The following SNX18 variants were observed in gnomAD, a reference collection of about 807,000 sequenced individuals.
SNX18 encodes sorting nexin 18.
SNX18 carries 35 observed loss-of-function variants against 48.7 expected under a neutral mutation model. That is an observed-to-expected ratio of 0.72 (90% CI 0.55 to 0.95). SNX18 has a LOEUF of 0.95. SNX18 is among the 40% of genes least tolerant of loss of function. The pLI is 0.00. For synonymous variants in SNX18, 492 were observed against 384.7 expected, an observed-to-expected ratio of 1.28 and a Z score of -3.26; for missense variants, 824 against 871.0, an observed-to-expected ratio of 0.95 and a Z score of 0.68.
At chr5:54,617,004 T>C in the SNX18 span, among the ~76,000 whole-genome samples, 15 of 152,206 alleles carry the variant, frequency 9.9e-5, no homozygotes, top group Middle Eastern at 3.2e-3. Context: ...AGTCACAGAC[T>C]TAACTTTCTT....
chr5:54,591,175 T>TTTTG, the SNX18 span, among the ~76,000 whole-genome samples: 43 of 151,902 alleles, frequency 2.8e-4, no homozygotes, highest in South Asian at 4.8e-3. Flanking sequence ...TTGGGTTTTT[T>TTTTG]TTTTGTTTTG....
the SNX18 span, among the ~76,000 whole-genome samples, chr5:54,582,610 C>A: frequency 3.4e-4 from 52 of 151,514 alleles, no homozygotes; most frequent in South Asian, 2.7e-3. Context: ...CTAAAAAAAA[C>A]CAAAAAACAA....
rs752246839 is a variant in SNX18, at chr5:54,518,420, C to T, written c.468C>T (p.Asp156=). ...AAGGCAGCGATGATGACTGGGACGA[C>T]GAGTGGGACGACAGCTCCACGGTGG... ...ASQGSDDDWD[D]EWDDSSTVAD... The change falls in exon 1 of 2, where the codon GAC becomes GAT. Residue 156 remains aspartate (D), a synonymous_variant. Coordinates refer to ENST00000381410, the MANE Select transcript of SNX18 (RefSeq NM_001102575.2). 14 of 1,583,718 alleles carry T rather than the reference C, an allele frequency of 8.8e-6. No homozygotes were observed. Among genetic ancestry groups the T allele is most frequent in the East Asian group, 2.3e-5 (1 of 42,884 alleles).
the SNX18 span, among the ~76,000 whole-genome samples, chr5:54,632,344 A>G: frequency 6.6e-6 from 1 of 152,238 alleles, no homozygotes; most frequent in African/African-American, 2.4e-5. Flanking sequence ...AGTCTAGCAG[A>G]TAACTGGCTC....
the SNX18 span, among the ~76,000 whole-genome samples, chr5:54,580,069 G>C: frequency 6.6e-6 from 1 of 151,974 alleles, no homozygotes; most frequent in South Asian, 2.1e-4. Flanking sequence ...AAGTGCATTA[G>C]AGGGTGTGTG....
At chr5:54,645,295 G>C in the SNX18 span, 2 of 152,186 alleles carry the variant, frequency 1.3e-5, no homozygotes, top group African/African-American at 4.8e-5. Flanking sequence ...GAGAAGTAAA[G>C]ATATCCCTGC....
At chr5:54,617,392 C>T in the SNX18 span, among the ~76,000 whole-genome samples, 3 of 152,154 alleles carry the variant, frequency 2.0e-5, no homozygotes, top group Non-Finnish European at 4.4e-5. Flanking sequence ...CTTTTTACTA[C>T]TCTATAGAAA....
the SNX18 span, among the ~76,000 whole-genome samples, chr5:54,577,876 C>T: frequency 6.6e-6 from 1 of 152,178 alleles, no homozygotes; most frequent in Non-Finnish European, 1.5e-5. Flanking sequence ...GGTGGGAATG[C>T]CCAAGAATCG....
At chr5:54,540,879 A>G (rs553050663) in intron 1 of SNX18, among the ~76,000 whole-genome samples, 2 of 152,364 alleles carry the variant, frequency 1.3e-5, no homozygotes, top group South Asian at 2.1e-4. Context: ...ATGAAAATAT[A>G]GTCAAATCAC....
the SNX18 span, among the ~76,000 whole-genome samples, chr5:54,631,293 T>C: frequency 6.6e-6 from 1 of 152,238 alleles, no homozygotes; most frequent in African/African-American, 2.4e-5. Context: ...ATGCTCAACA[T>C]CCTGCTCTTT....
chr5:54,592,672 C>A, the SNX18 span, among the ~76,000 whole-genome samples: 1 of 152,192 alleles, frequency 6.6e-6, no homozygotes, highest in South Asian at 2.1e-4. Context: ...GGAGACTGAG[C>A]TTTGCCTTTG....
At chr5:54,582,355 T>A in the SNX18 span, among the ~76,000 whole-genome samples, 2 of 152,214 alleles carry the variant, frequency 1.3e-5, no homozygotes, top group African/African-American at 4.8e-5. Context: ...TAGGAAATCA[T>A]AAGACATCCC....
At chr5:54,628,028 C>A in the SNX18 span, among the ~76,000 whole-genome samples, 1 of 152,120 alleles carries the variant, frequency 6.6e-6, no homozygotes, top group African/African-American at 2.4e-5. Context: ...TCCTACTTCC[C>A]AACCAGGAAA....
At chr5:54,612,535 T>C in the SNX18 span, among the ~76,000 whole-genome samples, 1 of 152,106 alleles carries the variant, frequency 6.6e-6, no homozygotes, top group Non-Finnish European at 1.5e-5. Context: ...AGTGCTGGGA[T>C]TACAGGCGTG....
intron 1 of SNX18, among the ~76,000 whole-genome samples, chr5:54,526,640 G>A (rs758488692): frequency 7.2e-5 from 11 of 152,070 alleles, no homozygotes; most frequent in African/African-American, 1.2e-4. Context: ...CAACAAATAC[G>A]TATGTACCCA....
the SNX18 span, among the ~76,000 whole-genome samples, chr5:54,575,467 G>A: frequency 8.8e-5 from 13 of 148,462 alleles, no homozygotes; most frequent in Non-Finnish European, 4.4e-5. Context: ...CTGCCTCCTG[G>A]TTCAAGCGAT....
chr5:54,602,169 G>A, the SNX18 span, among the ~76,000 whole-genome samples: 1 of 152,170 alleles, frequency 6.6e-6, no homozygotes, highest in Non-Finnish European at 1.5e-5. Flanking sequence ...AGATTTTTAA[G>A]TACAGAGAGA....
In SNX18 at chr5:54,525,448, C is replaced by T. The variant is rs146766516; in HGVS notation, c.1621+5875C>T. ...CCAGTAATCTTATCATCCCTCCTGG[C>T]AACCTATTGCCACCAGAATTGTAGG... On this transcript the variant is annotated intron_variant, in intron 1 of 1. Transcript: ENST00000381410. Among the ~76,000 whole-genome samples the T allele has an allele frequency of 2.0e-5, 3 of 152,132 alleles. No individual in the cohort carries two copies. The East Asian group carries it at 5.8e-4, about 29-fold the overall frequency.
the SNX18 span, among the ~76,000 whole-genome samples, chr5:54,576,467 A>G: frequency 6.6e-6 from 1 of 152,152 alleles, no homozygotes; most frequent in South Asian, 2.1e-4. Flanking sequence ...ATGCATCTTA[A>G]TCCCAATCTG....
Sources: gnomAD v4.1 joint callset for allele counts (sites outside exome capture counted in the v4.1 genomes callset) on GRCh38, gnomAD v4.1.1 for gene constraint, MANE v1.5 for transcripts, NCBI Gene and HGNC (gene_info 2026-07-23, HGNC 2026-07-21) for gene names.